The following SCNN1B variants were observed in gnomAD, a reference collection of about 807,000 sequenced individuals.
The protein encoded by SCNN1B is epithelial sodium channel subunit beta.
SCNN1B carries 46 observed loss-of-function variants against 65.3 expected under a neutral mutation model. That is an observed-to-expected ratio of 0.70 (90% confidence interval 0.56 to 0.90). The LOEUF (loss-of-function observed/expected upper bound fraction) is 0.90, where lower values mean the gene tolerates loss of function less well. Ranked by LOEUF, SCNN1B falls within the 40% of genes least tolerant of loss-of-function variation. SCNN1B has a pLI of 0.00. For missense variants in SCNN1B, 751 were observed against 830.5 expected (o/e 0.90, Z 1.18); for synonymous variants, 349 against 330.6 (o/e 1.06, Z -0.60).
intron 2 of SCNN1B, among the ~76,000 whole-genome samples, chr16:23,287,021 TGAGACAG>T: frequency 7.1e-6 from 1 of 141,446 alleles, no homozygotes. Flanking sequence ...TTTTTTTTTT[TGAGACAG>T]AGTTTTGCTC....
chr16:23,285,711 C>T (rs142444514), intron 2 of SCNN1B, among the ~76,000 whole-genome samples: 1,995 of 152,256 alleles, frequency 0.013, 41 homozygotes, highest in African/African-American at 0.045. Flanking sequence ...CAGTGGCTCA[C>T]GCCTATAATC....
chr16:23,341,296 G>A (rs1962050827), intron 1 of SCNN1B, among the ~76,000 whole-genome samples: 1 of 152,122 alleles, frequency 6.6e-6, no homozygotes, highest in South Asian at 2.1e-4. Flanking sequence ...CACTATATAT[G>A]TAAATTAATT....
In SCNN1B at chr16:23,348,919, C is replaced by T. The variant is rs1193202181; in HGVS notation, c.311+9C>T. 2.5e-6 allele frequency: 4 copies of T among 1,612,880 alleles called. No homozygotes were observed. Among genetic ancestry groups the T allele is most frequent in the East Asian group, 2.2e-5 (1 of 44,864 alleles). ...AATGCTAGCCCCTTCAAGTAGGTGG[C>T]CCCGGAGTGCACAGCTGGCCTCAGC... On this transcript the variant is annotated intron_variant, in intron 2 of 12. Coordinates refer to ENST00000343070, the MANE Select transcript of SCNN1B (RefSeq NM_000336.3). This position sits in a 1 kb window ranked among gnomAD's most constrained non-coding sequence, Gnocchi z 4.5.
At chr16:23,328,115 C>G (rs1328206405) in intron 1 of SCNN1B, among the ~76,000 whole-genome samples, 1 of 152,214 alleles carries the variant, frequency 6.6e-6, no homozygotes, top group African/African-American at 2.4e-5. Context: ...TTTATCTAAT[C>G]TGGTGAGTTT....
At chr16:23,349,060 C>G in intron 2 of SCNN1B, 150 bp downstream of exon 2, 2 of 675,764 alleles carry the variant, frequency 3.0e-6, no homozygotes, top group Non-Finnish European at 5.1e-6. Flanking sequence ...TCCTTTCTCC[C>G]TTTATTACTT....
intron 1 of SCNN1B, among the ~76,000 whole-genome samples, chr16:23,339,392 A>G (rs139564642): frequency 2.8e-4 from 41 of 146,338 alleles, no homozygotes; most frequent in African/African-American, 1.0e-3. Context: ...TTGCTGGGTC[A>G]TATGATAACT....
At chr16:23,305,577 T>TAACAA (rs1418310041) in intron 1 of SCNN1B, among the ~76,000 whole-genome samples, 1 of 23,670 alleles carries the variant, frequency 4.2e-5, no homozygotes, top group African/African-American at 2.6e-4. Flanking sequence ...TATATATATA[T>TAACAA]TATATATATA....
chr16:23,327,491 G>T (rs780188133), intron 1 of SCNN1B, among the ~76,000 whole-genome samples: 1 of 152,036 alleles, frequency 6.6e-6, no homozygotes, highest in Non-Finnish European at 1.5e-5. Flanking sequence ...CCAAGATTGC[G>T]CCATTGCACT....
rs1295391870 is a variant in SCNN1B at position 23,377,369 on chromosome 16, C to G, written c.1387C>G (p.Pro463Ala). 6.2e-7 allele frequency: 1 copy of G among 1,614,182 alleles called. No homozygotes were observed. The highest frequency in any genetic ancestry group is 1.1e-5 in the South Asian group (1 of 91,084). ...GATGACCATCTCCATGGCTGACTGG[C>G]CTTCTGAGGCCTCCGAGGTGAGACA... ...YKMTISMADW[P>A]SEASEDWIFH... is the part of the protein sequence containing the mutation. The change falls in exon 10 of 13, where the codon CCT becomes GCT. Residue 463 changes from proline to alanine, a missense_variant. Physicochemically the swap from Pro to Ala is conservative, Grantham distance 27. Coordinates refer to ENST00000343070, the MANE Select transcript of SCNN1B (RefSeq NM_000336.3).
upstream of SCNN1B, among the ~76,000 whole-genome samples, chr16:23,298,797 C>A (rs527306368): frequency 1.3e-5 from 2 of 152,326 alleles, no homozygotes; most frequent in Middle Eastern, 3.4e-3. Flanking sequence ...CTTAAACATT[C>A]ATGCCTTAAA....
At chr16:23,301,397 T>C (rs1455244231), upstream of SCNN1B, among the ~76,000 whole-genome samples, 1 of 106,548 alleles carries the variant, frequency 9.4e-6, no homozygotes. Flanking sequence ...AAGAGAGAGG[T>C]AGGGAGGGAG....
intron 2 of SCNN1B, among the ~76,000 whole-genome samples, chr16:23,289,575 C>G (rs1960894397): frequency 6.6e-6 from 1 of 151,782 alleles, no homozygotes; most frequent in South Asian, 2.1e-4. Context: ...AGAAATCCCT[C>G]CCCAACCTCA....
intron 1 of SCNN1B, chr16:23,304,209 G>A (rs545423986): frequency 2.0e-5 from 17 of 865,596 alleles, no homozygotes; most frequent in Non-Finnish European, 2.6e-5. Flanking sequence ...TAGGGGATGA[G>A]GTCCTCTCTT....
At chr16:23,368,397 C>A (rs868134971) in intron 5 of SCNN1B, among the ~76,000 whole-genome samples, 1 of 151,970 alleles carries the variant, frequency 6.6e-6, no homozygotes, top group Non-Finnish European at 1.5e-5. Context: ...CAAAAATTAG[C>A]GAGGCATGAT....
chr16:23,314,611 T>C (rs1961411815), intron 1 of SCNN1B, among the ~76,000 whole-genome samples: 1 of 152,010 alleles, frequency 6.6e-6, no homozygotes, highest in African/African-American at 2.4e-5. Flanking sequence ...GAGGTGAGTG[T>C]GGAGGAGGAG....
intron 1 of SCNN1B, among the ~76,000 whole-genome samples, chr16:23,319,623 G>A (rs1359734511): frequency 6.6e-6 from 1 of 152,194 alleles, no homozygotes; most frequent in Non-Finnish European, 1.5e-5. Context: ...GCAGCATTGA[G>A]TGGCCACAAC....
chr16:23,280,022 T>C (rs548438942), intron 1 of SCNN1B, among the ~76,000 whole-genome samples: 1 of 152,258 alleles, frequency 6.6e-6, no homozygotes, highest in South Asian at 2.1e-4. Flanking sequence ...TTTGCCAAAC[T>C]AAGGGATGCA....
At position 23,346,200 on chromosome 16, in the gene SCNN1B, C is replaced by CTTTTTTTTTTTTTTTTTTTTTTTTTTTT. The variant is rs753802362; in HGVS notation, c.-8-2390_-8-2363dup. Reference sequence around the variant, plus strand: ...CCATGGAACACCCTTTTTTCCTTTTCTTTTTTTTTTTTTTTTTTTTTTTTT... The same window carrying CTTTTTTTTTTTTTTTTTTTTTTTTTTTT: ...CCATGGAACACCCTTTTTTCCTTTTCTTTTTTTTTTTTTTTTTTTTTTTTTTTTTTTTTTTTTTTTTTTTTTTTTTTTT... On this transcript the variant is annotated intron_variant, in intron 1 of 12. Coordinates refer to ENST00000343070, the MANE Select transcript of SCNN1B (RefSeq NM_000336.3). 6.4e-5 allele frequency among the ~76,000 whole-genome samples: 5 copies of CTTTTTTTTTTTTTTTTTTTTTTTTTTTT among 78,012 alleles called. 1 individual carries two copies. The highest frequency in any genetic ancestry group is 1.3e-4 in the African/African-American group (2 of 15,734). The allele number at this position is 78,012 out of a possible 152,430, so 51.2% of individuals were successfully genotyped here. A position where few individuals can be genotyped will look rare whatever the true frequency, so the allele number is the denominator to read the frequency against.
At position 23,371,357 on chromosome 16, in the gene SCNN1B, G is replaced by A. The variant is rs746434140; in HGVS notation, c.939G>A (p.Thr313=). The A allele has an allele frequency of 6.2e-6, 10 of 1,614,144 alleles. No individual in the cohort carries two copies. The highest frequency in any genetic ancestry group is 1.1e-5 in the South Asian group (1 of 91,084). The change falls in exon 6 of 13, where the codon ACG becomes ACA. Residue 313 remains threonine (T), a synonymous_variant. Coordinates refer to ENST00000343070, the MANE Select transcript of SCNN1B (RefSeq NM_000336.3). ...ACTACGTCCCCTTCCTTGCGTCCAC[G>A]GCCGGGGTCAGGCTGATGCTTCACG... is the stretch of plus-strand genomic sequence containing the variant. The part of the protein sequence containing the change: ...QEDYVPFLAS[T]AGVRLMLHEQ...
Sources: gnomAD v4.1 joint callset for allele counts (sites outside exome capture counted in the v4.1 genomes callset) on GRCh38, gnomAD v4.1.1 for gene constraint, Gnocchi (gnomAD v3.1) non-coding constraint, MANE v1.5 for transcripts, NCBI Gene and HGNC (gene_info 2026-07-23, HGNC 2026-07-21) for gene names.